The following MAPKAP1 variants were observed in gnomAD, a reference collection of about 807,000 sequenced individuals.
MAPKAP1 encodes the protein MAPK associated protein 1.
A neutral mutation model predicts 65.7 loss-of-function variants in MAPKAP1; 20 were observed. The observed-to-expected ratio is 0.30, with a 90% confidence interval of 0.21 to 0.44. MAPKAP1 has a LOEUF of 0.44. Ranked by LOEUF, MAPKAP1 falls within the 20% of genes least tolerant of loss-of-function variation. The probability of loss-of-function intolerance (pLI) is 1.00; values close to 1 mark genes in which losing one functional copy is unlikely to be tolerated. For synonymous variants in MAPKAP1, 222 were observed against 244.3 expected, an observed-to-expected ratio of 0.91 and a Z score of 0.85; for missense variants, 423 against 648.0, an observed-to-expected ratio of 0.65 and a Z score of 3.77.
At chr9:125,573,929 A>G (rs1831316651) in intron 5 of MAPKAP1, among the ~76,000 whole-genome samples, 1 of 152,244 alleles carries the variant, frequency 6.6e-6, no homozygotes, top group Non-Finnish European at 1.5e-5. Flanking sequence ...TATCTGAATT[A>G]ATTATTTTAG....
intron 11 of MAPKAP1, 73 bp downstream of exon 11, chr9:125,444,428 G>T (rs966126531): frequency 1.7e-6 from 2 of 1,187,150 alleles, no homozygotes; most frequent in Non-Finnish European, 2.5e-6. Context: ...GTGGGGCTGC[G>T]GCCATGCCGC....
rs190717182 is a variant in MAPKAP1, at chr9:125,480,275, C to T, written c.1207+4168G>A. ...TGTCTGATTGTCACAAAATTCCTTA[C>T]GACTAATTAATGAAATTTCTGATTA... On this transcript the variant is annotated intron_variant, in intron 9 of 11. Coordinates refer to ENST00000265960, the MANE Select transcript of MAPKAP1 (RefSeq NM_001006617.3). Among the ~76,000 whole-genome samples, 60 of 152,228 alleles carry T rather than the reference C, an allele frequency of 3.9e-4. 1 individual carries two copies. The highest frequency in any genetic ancestry group is 3.4e-3 in the Middle Eastern group (1 of 294).
At chr9:125,615,908 C>T (rs561481665) in intron 4 of MAPKAP1, among the ~76,000 whole-genome samples, 4 of 145,450 alleles carry the variant, frequency 2.8e-5, no homozygotes, top group Admixed American at 6.9e-5. Context: ...AGTGGGACTC[C>T]GTCTCAGAAA....
chr9:125,655,944 G>T (rs1273809081), intron 4 of MAPKAP1, among the ~76,000 whole-genome samples: 2 of 152,142 alleles, frequency 1.3e-5, no homozygotes, highest in Non-Finnish European at 2.9e-5. Flanking sequence ...TTTCCCGCTG[G>T]TACTTCAGAA....
intron 10 of MAPKAP1, among the ~76,000 whole-genome samples, chr9:125,455,845 T>C (rs989029780): frequency 6.6e-6 from 1 of 152,266 alleles, no homozygotes; most frequent in Admixed American, 6.5e-5. Context: ...AACTGATATT[T>C]TGAGTGTTCT....
chr9:125,441,186 A>C (rs1451057147), intron 11 of MAPKAP1, among the ~76,000 whole-genome samples: 1 of 152,242 alleles, frequency 6.6e-6, no homozygotes, highest in Non-Finnish European at 1.5e-5. Flanking sequence ...CAATAAAGCC[A>C]CAGCCTCCAT....
At chr9:125,491,690 A>G (rs1304010312) in intron 8 of MAPKAP1, among the ~76,000 whole-genome samples, 3 of 151,736 alleles carry the variant, frequency 2.0e-5, no homozygotes, top group Admixed American at 6.6e-5. Flanking sequence ...CCGAGGTGGG[A>G]GGATCGCTTG....
At chr9:125,667,862 A>C (rs1421507945) in intron 3 of MAPKAP1, among the ~76,000 whole-genome samples, 1 of 152,230 alleles carries the variant, frequency 6.6e-6, no homozygotes, top group Non-Finnish European at 1.5e-5. Context: ...ATATATAAAA[A>C]ATTTGAAAAA....
chr9:125,629,121 T>C (rs1166623431), intron 4 of MAPKAP1, among the ~76,000 whole-genome samples: 2 of 150,998 alleles, frequency 1.3e-5, no homozygotes, highest in African/African-American at 4.9e-5. Context: ...GCAAAGGATG[T>C]GGAAAAAGTG....
intron 3 of MAPKAP1, among the ~76,000 whole-genome samples, chr9:125,662,059 C>T (rs1474755820): frequency 2.0e-5 from 3 of 151,972 alleles, no homozygotes; most frequent in Admixed American, 6.6e-5. Flanking sequence ...GAAATATGAA[C>T]GATAATCGGA....
intron 7 of MAPKAP1, among the ~76,000 whole-genome samples, chr9:125,507,830 T>C (rs1030207024): frequency 1.3e-5 from 2 of 152,252 alleles, no homozygotes; most frequent in African/African-American, 4.8e-5. Context: ...GTATTGTGTT[T>C]TAAAATTATT....
intron 4 of MAPKAP1, among the ~76,000 whole-genome samples, chr9:125,623,057 C>T (rs1242499145): frequency 3.3e-5 from 5 of 151,434 alleles, no homozygotes; most frequent in South Asian, 2.1e-4. Context: ...CTCGGCCTCC[C>T]GAGGTGCCGG....
chr9:125,459,637 ACC>A (rs889798508), intron 10 of MAPKAP1, among the ~76,000 whole-genome samples: 1 of 151,886 alleles, frequency 6.6e-6, no homozygotes, highest in Non-Finnish European at 1.5e-5. Flanking sequence ...ACTCAGCGAA[ACC>A]CCGTCTCCAC....
intron 1 of MAPKAP1, among the ~76,000 whole-genome samples, chr9:125,678,249 ATTTATTTTT>A (rs1564613677): frequency 6.7e-6 from 1 of 148,790 alleles, no homozygotes; most frequent in East Asian, 2.3e-4. Context: ...TTTTATTTTT[ATTTATTTTT>A]TTTTGAGACA....
At chr9:125,697,940 T>C (rs549233117) in intron 1 of MAPKAP1, among the ~76,000 whole-genome samples, 17 of 152,024 alleles carry the variant, frequency 1.1e-4, no homozygotes, top group South Asian at 6.2e-4. Context: ...ATATAATCAA[T>C]AATAACTTTC....
intron 4 of MAPKAP1, among the ~76,000 whole-genome samples, chr9:125,622,154 G>C (rs1288874781): frequency 1.3e-5 from 2 of 152,166 alleles, no homozygotes; most frequent in Non-Finnish European, 2.9e-5. Flanking sequence ...GAGATGGGGA[G>C]AGGCTGGTTC....
At chr9:125,702,496 T>C (rs930565619) in intron 1 of MAPKAP1, among the ~76,000 whole-genome samples, 4 of 151,470 alleles carry the variant, frequency 2.6e-5, no homozygotes, top group Non-Finnish European at 2.9e-5. Flanking sequence ...ATCGCGCCAT[T>C]GCACTCCAGC....
At chr9:125,468,156 G>A (rs1198532679) in intron 9 of MAPKAP1, 47 bp from the exon 10 acceptor site, 4 of 1,586,904 alleles carry the variant, frequency 2.5e-6, no homozygotes, top group Non-Finnish European at 3.4e-6. Flanking sequence ...GAAGTAGAAG[G>A]TGTAAGTGAT....
At chr9:125,488,511 A>AT (rs1854580050) in intron 8 of MAPKAP1, among the ~76,000 whole-genome samples, 1 of 152,002 alleles carries the variant, frequency 6.6e-6, no homozygotes, top group African/African-American at 2.4e-5. Flanking sequence ...CGCCTGGCTA[A>AT]TTTTTTGTAT....
Sources: allele counts gnomAD v4.1 joint callset (sites outside exome capture counted in the v4.1 genomes callset), GRCh38; gene constraint gnomAD v4.1.1; transcripts MANE v1.5; gene names NCBI Gene and HGNC (gene_info 2026-07-23, HGNC 2026-07-21).